ST6GALNAC3: variants seen among roughly 807,000 people sequenced by gnomAD.
ST6GALNAC3 encodes ST6 N-acetylgalactosaminide alpha-2,6-sialyltransferase 3, also known as alpha-N-acetylgalactosaminide alpha-2,6-sialyltransferase 3.
In ST6GALNAC3, 25 loss-of-function variants were observed where a neutral mutation model predicts 32.7. The observed-to-expected ratio is 0.76, with a 90% confidence interval of 0.56 to 1.07. ST6GALNAC3 has a LOEUF of 1.07. Ranked by LOEUF, ST6GALNAC3 falls within the 50% of genes least tolerant of loss-of-function variation. The pLI is 0.00. For missense variants in ST6GALNAC3, 355 were observed against 382.4 expected (o/e 0.93, Z 0.60); for synonymous variants, 129 against 133.1 (o/e 0.97, Z 0.21).
At chr1:76,310,331 A>G (rs1269236446) in intron 1 of ST6GALNAC3, among the ~76,000 whole-genome samples, 1 of 152,142 alleles carries the variant, frequency 6.6e-6, no homozygotes. Context: ...TTGTGGACAT[A>G]ATGATTCCAC....
At chr1:76,606,856 G>GT (rs545990475) in intron 3 of ST6GALNAC3, among the ~76,000 whole-genome samples, 8,588 of 136,432 alleles carry the variant, frequency 0.063, 660 homozygotes, top group African/African-American at 0.18. Context: ...AAATGTGTGG[G>GT]TTTTTTTTTT....
intron 2 of ST6GALNAC3, among the ~76,000 whole-genome samples, chr1:76,379,971 C>T (rs1017153924): frequency 3.3e-5 from 5 of 152,060 alleles, no homozygotes; most frequent in Middle Eastern, 6.8e-3. Context: ...TAATTGGTTC[C>T]GACAATGCAC....
At chr1:76,393,897 C>A (rs937606049) in intron 2 of ST6GALNAC3, among the ~76,000 whole-genome samples, 4 of 152,042 alleles carry the variant, frequency 2.6e-5, no homozygotes, top group Non-Finnish European at 5.9e-5. Context: ...AACTACTATA[C>A]TTTACTAAGA....
intron 1 of ST6GALNAC3, among the ~76,000 whole-genome samples, chr1:76,306,648 G>A (rs985034663): frequency 6.2e-5 from 9 of 146,104 alleles, no homozygotes; most frequent in Non-Finnish European, 1.4e-4. Context: ...CATTTTCTGA[G>A]GAACTTTTTT....
chr1:76,595,659 G>A (rs757946081), intron 3 of ST6GALNAC3, among the ~76,000 whole-genome samples: 18 of 148,194 alleles, frequency 1.2e-4, no homozygotes, highest in Admixed American at 2.1e-4. Flanking sequence ...TCAATGCACT[G>A]TCAATAACTA....
rs757953267 is a variant in ST6GALNAC3, at chr1:76,509,068, C to T, written c.623+96651C>T. 9.9e-5 allele frequency among the ~76,000 whole-genome samples: 15 copies of T among 152,094 alleles called. No individual in the cohort carries two copies. Among genetic ancestry groups the T allele is most frequent in the South Asian group, 4.1e-4 (2 of 4,824 alleles). ...AACAGCTTGTCATTTTTCAACTCGT[C>T]GATAAATGGGAATGGAATTATTTAT... On this transcript the variant is annotated intron_variant, in intron 3 of 4. Transcript: ENST00000328299. The surrounding 1 kb of genome is among the most constrained non-coding windows in gnomAD (Gnocchi z 5.5).
chr1:76,285,614 T>C (rs1306559190), intron 1 of ST6GALNAC3, among the ~76,000 whole-genome samples: 1 of 128,306 alleles, frequency 7.8e-6, no homozygotes. Context: ...AGTCCTAAAA[T>C]ATGTTTTCAT....
chr1:76,084,413 A>G (rs557249646), intron 1 of ST6GALNAC3, among the ~76,000 whole-genome samples: 1 of 152,268 alleles, frequency 6.6e-6, no homozygotes, highest in Admixed American at 6.5e-5. Flanking sequence ...GCTTTGTGGT[A>G]TGTGTGAGTT....
At chr1:76,190,307 T>C (rs1653819804) in intron 1 of ST6GALNAC3, among the ~76,000 whole-genome samples, 1 of 152,168 alleles carries the variant, frequency 6.6e-6, no homozygotes, top group Non-Finnish European at 1.5e-5. Flanking sequence ...AATGCAAAAC[T>C]GTTAGAAAAG....
chr1:76,304,152 C>A (rs1436591245), intron 1 of ST6GALNAC3, among the ~76,000 whole-genome samples: 6 of 150,290 alleles, frequency 4.0e-5, no homozygotes, highest in Non-Finnish European at 8.9e-5. Context: ...TCCCTCTGTC[C>A]TTCCTTCTTT....
chr1:76,277,845 C>A (rs949142611), intron 1 of ST6GALNAC3, among the ~76,000 whole-genome samples: 1 of 151,870 alleles, frequency 6.6e-6, no homozygotes, highest in Non-Finnish European at 1.5e-5. Context: ...CTGTGGTGTG[C>A]CTTTGGTCTG....
intron 3 of ST6GALNAC3, among the ~76,000 whole-genome samples, chr1:76,471,481 G>A (rs897606476): frequency 2.0e-5 from 3 of 152,000 alleles, no homozygotes; most frequent in Non-Finnish European, 2.9e-5. Flanking sequence ...CAGTGAAGCC[G>A]GGATTCTTAA....
intron 3 of ST6GALNAC3, among the ~76,000 whole-genome samples, chr1:76,432,642 A>C (rs567855738): frequency 6.6e-6 from 1 of 151,452 alleles, no homozygotes; most frequent in African/African-American, 2.4e-5. Flanking sequence ...TTTTTTGTAA[A>C]GACAGAGTCA....
chr1:76,317,541 A>G (rs1298223574), intron 2 of ST6GALNAC3, among the ~76,000 whole-genome samples: 2 of 152,132 alleles, frequency 1.3e-5, no homozygotes, highest in Non-Finnish European at 2.9e-5. Context: ...CACCAAGCTG[A>G]TCTACTTATT....
chr1:76,636,110 C>T (rs1047846038), downstream of ST6GALNAC3, among the ~76,000 whole-genome samples: 1 of 152,076 alleles, frequency 6.6e-6, no homozygotes, highest in East Asian at 1.9e-4. Flanking sequence ...GATATCAGTA[C>T]CCACATCAGA....
intron 1 of ST6GALNAC3, among the ~76,000 whole-genome samples, chr1:76,126,431 C>CCTTA (rs1271725801): frequency 1.1e-5 from 1 of 91,868 alleles, no homozygotes; most frequent in African/African-American, 4.7e-5. Flanking sequence ...GCCTTTCCTT[C>CCTTA]CTTCCTTCCT....
chr1:76,104,287 C>T (rs927235685), intron 1 of ST6GALNAC3, among the ~76,000 whole-genome samples: 5 of 152,192 alleles, frequency 3.3e-5, no homozygotes, highest in African/African-American at 1.2e-4. Flanking sequence ...AAGGGATTTA[C>T]ATTTGCTTCT....
intron 1 of ST6GALNAC3, among the ~76,000 whole-genome samples, chr1:76,148,703 T>TCCTGTCC (rs1650849664): frequency 6.6e-6 from 1 of 152,194 alleles, no homozygotes; most frequent in Non-Finnish European, 1.5e-5. Flanking sequence ...ATTGCCTGTC[T>TCCTGTCC]CCTGTCCCCA....
intron 3 of ST6GALNAC3, among the ~76,000 whole-genome samples, chr1:76,419,045 G>GCACACACACA (rs147952829): frequency 6.7e-6 from 1 of 148,870 alleles, no homozygotes. Context: ...ACCCTCATGT[G>GCACACACACA]CACACACACA....
Sources: gnomAD v4.1 joint callset for allele counts (sites outside exome capture counted in the v4.1 genomes callset) on GRCh38, gnomAD v4.1.1 for gene constraint, Gnocchi (gnomAD v3.1) non-coding constraint, MANE v1.5 for transcripts, NCBI Gene and HGNC (gene_info 2026-07-23, HGNC 2026-07-21) for gene names.